MAF: variants seen among roughly 807,000 people sequenced by gnomAD.
The protein encoded by MAF is transcription factor Maf.
Under a neutral mutation model 22.0 loss-of-function variants are expected in MAF, and 10 were observed. The observed-to-expected ratio is 0.45, with a 90% CI of 0.28 to 0.77. The LOEUF is 0.77. Among genes scored for constraint, MAF ranks in the 30% least tolerant of loss-of-function variants. The probability of loss-of-function intolerance (pLI) is 0.12; values close to 1 mark genes in which losing one functional copy is unlikely to be tolerated. For missense variants in MAF, 544 were observed against 548.4 expected, an observed-to-expected ratio of 0.99 and a Z score of 0.08; for synonymous variants, 337 against 255.8, an observed-to-expected ratio of 1.32 and a Z score of -3.03.
the MAF span, among the ~76,000 whole-genome samples, chr16:79,257,598 C>G: frequency 6.6e-6 from 1 of 152,172 alleles, no homozygotes; most frequent in Non-Finnish European, 1.5e-5. Context: ...TCTTGCTCAG[C>G]CTCAGCCGAG....
chr16:79,260,383 A>T, the MAF span, among the ~76,000 whole-genome samples: 1 of 152,128 alleles, frequency 6.6e-6, no homozygotes, highest in Non-Finnish European at 1.5e-5. Flanking sequence ...AAATCCTGGG[A>T]TCCAGTGATT....
the MAF span, among the ~76,000 whole-genome samples, chr16:79,427,166 C>T: frequency 1.3e-5 from 2 of 152,204 alleles, no homozygotes; most frequent in Non-Finnish European, 2.9e-5. Flanking sequence ...GTTAAATTAT[C>T]ACTGTGGTTT....
At chr16:79,458,280 C>T in the MAF span, among the ~76,000 whole-genome samples, 4 of 152,016 alleles carry the variant, frequency 2.6e-5, no homozygotes, top group African/African-American at 9.7e-5. Context: ...TTCCTCGTGT[C>T]TCATCAGTCC....
the MAF span, among the ~76,000 whole-genome samples, chr16:79,366,027 G>A: frequency 5.3e-5 from 8 of 152,180 alleles, no homozygotes; most frequent in African/African-American, 1.7e-4. Context: ...TTTTGAGACT[G>A]CCTTTTTGTC....
the MAF span, among the ~76,000 whole-genome samples, chr16:79,414,938 C>T: frequency 1.3e-5 from 2 of 152,190 alleles, no homozygotes; most frequent in African/African-American, 2.4e-5. Flanking sequence ...AGGGTGTCCC[C>T]AATCACTGAG....
At chr16:79,289,590 T>C in the MAF span, among the ~76,000 whole-genome samples, 2 of 152,074 alleles carry the variant, frequency 1.3e-5, no homozygotes, top group African/African-American at 4.8e-5. Context: ...GAGTGTGTCA[T>C]GGCTGTGACC....
At chr16:79,577,263 A>T in the MAF span, among the ~76,000 whole-genome samples, 19 of 152,134 alleles carry the variant, frequency 1.2e-4, no homozygotes, top group Non-Finnish European at 2.5e-4. Context: ...GAAAAAGATG[A>T]CAAAGACGGA....
the MAF span, among the ~76,000 whole-genome samples, chr16:79,379,103 A>T: frequency 0.012 from 1,821 of 152,298 alleles, 17 homozygotes; most frequent in South Asian, 0.029. Flanking sequence ...AAGCTTAATT[A>T]TTGGCAATAA....
chr16:79,305,299 C>T, the MAF span, among the ~76,000 whole-genome samples: 1 of 152,180 alleles, frequency 6.6e-6, no homozygotes, highest in Non-Finnish European at 1.5e-5. Flanking sequence ...CGAGCATATC[C>T]ACTACCGACC....
the MAF span, among the ~76,000 whole-genome samples, chr16:79,448,158 T>C: frequency 7.2e-5 from 11 of 152,216 alleles, no homozygotes; most frequent in Admixed American, 5.2e-4. Flanking sequence ...GTGGGTAAAA[T>C]GCTATCAAAT....
chr16:79,258,730 T>C, the MAF span, among the ~76,000 whole-genome samples: 5 of 152,208 alleles, frequency 3.3e-5, no homozygotes, highest in South Asian at 4.1e-4. Context: ...CTTGAACTTC[T>C]GTGATCTAAA....
chr16:79,360,450 C>T, the MAF span, among the ~76,000 whole-genome samples: 1 of 152,174 alleles, frequency 6.6e-6, no homozygotes, highest in African/African-American at 2.4e-5. Context: ...AGTCATGTGG[C>T]TGTGTGCCAG....
the MAF span, among the ~76,000 whole-genome samples, chr16:79,243,595 G>C: frequency 1.7e-4 from 26 of 152,096 alleles, no homozygotes; most frequent in African/African-American, 6.0e-4. Flanking sequence ...ACGAAAAAAA[G>C]TCTAGGACCA....
the MAF span, among the ~76,000 whole-genome samples, chr16:79,281,224 G>GGAAA: frequency 2.8e-5 from 4 of 143,052 alleles, no homozygotes; most frequent in Non-Finnish European, 6.0e-5. Context: ...GTTTCAATAT[G>GGAAA]AAAAAAAAAA....
downstream of MAF, among the ~76,000 whole-genome samples, chr16:79,590,814 G>T (rs923940815): frequency 1.3e-5 from 2 of 152,136 alleles, no homozygotes; most frequent in African/African-American, 4.8e-5. Flanking sequence ...TCTGCAGGCA[G>T]GTCCCTTCCT....
chr16:79,281,092 G>T, the MAF span, among the ~76,000 whole-genome samples: 1 of 152,088 alleles, frequency 6.6e-6, no homozygotes. Flanking sequence ...AAGAAGAGAC[G>T]AAGACAAATA....
At chr16:79,217,509 T>G in the MAF span, among the ~76,000 whole-genome samples, 6 of 152,364 alleles carry the variant, frequency 3.9e-5, no homozygotes, top group African/African-American at 1.4e-4. Context: ...CAATATTGGC[T>G]TCAGCCTTGC....
At chr16:79,343,118 G>C in the MAF span, among the ~76,000 whole-genome samples, 1 of 152,286 alleles carries the variant, frequency 6.6e-6, no homozygotes. Context: ...ATGAGGTACA[G>C]GAGCAAAGAG....
chr16:79,301,631 C>G, the MAF span, among the ~76,000 whole-genome samples: 2 of 136,218 alleles, frequency 1.5e-5, no homozygotes, highest in African/African-American at 2.7e-5. Context: ...TTTATTATAT[C>G]TATGTGTGTA....
Sources: allele counts gnomAD v4.1 joint callset (sites outside exome capture counted in the v4.1 genomes callset), GRCh38; gene constraint gnomAD v4.1.1; transcripts MANE v1.5; gene names NCBI Gene and HGNC (gene_info 2026-07-23, HGNC 2026-07-21).